ELMO1: variants seen among roughly 807,000 people sequenced by gnomAD.
The protein encoded by ELMO1 is engulfment and cell motility protein 1.
ELMO1 carries 26 observed loss-of-function variants against 98.9 expected under a neutral mutation model. The ratio of observed to expected loss-of-function variants is 0.26; its 90% CI spans 0.19 to 0.36. ELMO1 has a LOEUF of 0.36. Ranked by LOEUF, ELMO1 falls within the 10% of genes least tolerant of loss-of-function variation. The pLI is 1.00. For synonymous variants in ELMO1, 346 were observed against 346.0 expected, an observed-to-expected ratio of 1.00 and a Z score of 0.00; for missense variants, 627 against 935.2, an observed-to-expected ratio of 0.67 and a Z score of 4.30.
chr7:37,030,736 G>T (rs1584538849), intron 15 of ELMO1, among the ~76,000 whole-genome samples: 1 of 151,992 alleles, frequency 6.6e-6, no homozygotes, highest in East Asian at 1.9e-4. Flanking sequence ...TTTTGTTTTT[G>T]TTCGTTTTCC....
At chr7:37,316,301 T>C (rs1489993722) in intron 2 of ELMO1, among the ~76,000 whole-genome samples, 6 of 152,170 alleles carry the variant, frequency 3.9e-5, no homozygotes, top group Admixed American at 2.0e-4. Context: ...TGAGGCCAAG[T>C]CAAAACCAGA....
intron 14 of ELMO1, among the ~76,000 whole-genome samples, chr7:37,131,398 CA>C (rs1306734300): frequency 7.9e-5 from 12 of 152,154 alleles, no homozygotes; most frequent in Admixed American, 7.9e-4. Context: ...ATTTCACTTA[CA>C]ATGTTTAAAG....
chr7:37,315,903 T>C lies in ELMO1; in HGVS notation c.119+17A>G, dbSNP rs1799127194. Reference sequence around the variant, plus strand: ...TATCAACTAGAATGCCTTAGATAAATCCTGAGTAACACTTACCCATCACAG... The same window carrying C: ...TATCAACTAGAATGCCTTAGATAAACCCTGAGTAACACTTACCCATCACAG... On this transcript the variant is annotated intron_variant, in intron 3 of 21. Coordinates refer to ENST00000310758, the MANE Select transcript of ELMO1 (RefSeq NM_014800.11). 3.1e-6 allele frequency: 5 copies of C among 1,592,216 alleles called. No individual in the cohort carries two copies. Among genetic ancestry groups the C allele is most frequent in the Non-Finnish European group, 4.3e-6 (5 of 1,171,670 alleles).
chr7:37,207,660 A>ATGGC (rs1261317054), intron 13 of ELMO1, among the ~76,000 whole-genome samples: 3 of 151,870 alleles, frequency 2.0e-5, no homozygotes, highest in Admixed American at 1.3e-4. Flanking sequence ...ATCTTAGAAG[A>ATGGC]TGGCTGGTGT....
At chr7:37,169,049 C>T (rs578226476) in intron 13 of ELMO1, among the ~76,000 whole-genome samples, 5 of 152,160 alleles carry the variant, frequency 3.3e-5, no homozygotes, top group Middle Eastern at 6.8e-3. Context: ...CAATGGCGGG[C>T]ACCCCTCCCC....
At chr7:37,310,603 T>C (rs922628982) in intron 4 of ELMO1, among the ~76,000 whole-genome samples, 1 of 152,192 alleles carries the variant, frequency 6.6e-6, no homozygotes, top group Admixed American at 6.5e-5. Flanking sequence ...TGGTAACCAG[T>C]GTTCATAGTC....
intron 1 of ELMO1, among the ~76,000 whole-genome samples, chr7:37,420,809 A>G (rs1293678993): frequency 6.6e-6 from 1 of 152,240 alleles, no homozygotes; most frequent in African/African-American, 2.4e-5. Flanking sequence ...ACAGTGACTA[A>G]AGCAAAGCCT....
intron 16 of ELMO1, among the ~76,000 whole-genome samples, chr7:36,958,545 T>C (rs1314635636): frequency 1.3e-5 from 2 of 152,180 alleles, no homozygotes; most frequent in Non-Finnish European, 2.9e-5. Flanking sequence ...ACTTCTGTAA[T>C]CAGACGGTGA....
chr7:37,318,691 AGTT>A (rs1799331465), intron 2 of ELMO1, among the ~76,000 whole-genome samples: 1 of 152,228 alleles, frequency 6.6e-6, no homozygotes, highest in African/African-American at 2.4e-5. Context: ...AAAGAATTAT[AGTT>A]GAGTGAACAC....
intron 6 of ELMO1, among the ~76,000 whole-genome samples, chr7:37,258,281 C>CA (rs111536368): frequency 0.32 from 47,573 of 148,432 alleles, 7,574 homozygotes; most frequent in Middle Eastern, 0.43. Context: ...AAACAAAAAA[C>CA]AAAAAAAAAA....
chr7:37,182,085 G>GT (rs1790899488), intron 13 of ELMO1, among the ~76,000 whole-genome samples: 1 of 152,192 alleles, frequency 6.6e-6, no homozygotes, highest in Admixed American at 6.5e-5. Context: ...GGCTTGGAAG[G>GT]TAAGAGGTGA....
At chr7:37,422,044 T>G (rs1804496449) in intron 1 of ELMO1, among the ~76,000 whole-genome samples, 1 of 152,222 alleles carries the variant, frequency 6.6e-6, no homozygotes, top group Non-Finnish European at 1.5e-5. Context: ...CCAATTGCAT[T>G]GTGCAACTCA....
intron 20 of ELMO1, chr7:36,861,988 T>C: frequency 2.0e-6 from 1 of 506,112 alleles, no homozygotes; most frequent in Non-Finnish European, 3.6e-6. Flanking sequence ...TTCATCTCCT[T>C]TATGAGGTGG....
intron 14 of ELMO1, among the ~76,000 whole-genome samples, chr7:37,099,206 T>A (rs1216715552): frequency 6.6e-6 from 1 of 152,240 alleles, no homozygotes; most frequent in African/African-American, 2.4e-5. Flanking sequence ...GCCGCCTTCT[T>A]GACTGATTTC....
intron 4 of ELMO1, among the ~76,000 whole-genome samples, chr7:37,296,758 C>T (rs757988958): frequency 3.3e-5 from 5 of 152,224 alleles, no homozygotes; most frequent in Non-Finnish European, 7.3e-5. Context: ...TTTCCAGATA[C>T]TTGGATATTT....
intron 4 of ELMO1, among the ~76,000 whole-genome samples, chr7:37,304,631 G>A (rs1286987676): frequency 1.3e-5 from 2 of 152,122 alleles, no homozygotes; most frequent in Non-Finnish European, 2.9e-5. Context: ...CAGGAGAATC[G>A]CTTGAACCCG....
intron 16 of ELMO1, among the ~76,000 whole-genome samples, chr7:36,931,059 A>C (rs2088970481): frequency 6.6e-6 from 1 of 152,250 alleles, no homozygotes; most frequent in Non-Finnish European, 1.5e-5. Flanking sequence ...AAAATAATAC[A>C]GAATTTAATA....
intron 1 of ELMO1, among the ~76,000 whole-genome samples, chr7:37,354,946 A>C (rs1230264070): frequency 2.6e-5 from 4 of 152,266 alleles, no homozygotes; most frequent in Admixed American, 6.5e-5. Context: ...TGATTGCATC[A>C]GATTACCAGC....
chr7:36,972,761 T>C (rs1020899099), intron 16 of ELMO1, among the ~76,000 whole-genome samples: 2 of 152,182 alleles, frequency 1.3e-5, no homozygotes, highest in South Asian at 4.1e-4. Flanking sequence ...AATCTATATA[T>C]CTATATAACT....
Sources: allele counts gnomAD v4.1 joint callset (sites outside exome capture counted in the v4.1 genomes callset), GRCh38; gene constraint gnomAD v4.1.1; transcripts MANE v1.5; gene names NCBI Gene and HGNC (gene_info 2026-07-23, HGNC 2026-07-21).